The following CELF2 variants were observed in gnomAD, a reference collection of about 807,000 sequenced individuals.
CELF2 encodes CUG triplet repeat RNA-binding protein 2.
In CELF2, 8 loss-of-function variants were observed where a neutral mutation model predicts 62.6. The observed-to-expected ratio is 0.13, with a 90% CI of 0.07 to 0.23. CELF2 has a LOEUF of 0.23. Ranked by LOEUF, CELF2 falls within the 10% of genes least tolerant of loss-of-function variation. The probability of loss-of-function intolerance (pLI) is 1.00; values close to 1 mark genes in which losing one functional copy is unlikely to be tolerated. For synonymous variants in CELF2, 258 were observed against 250.0 expected, an observed-to-expected ratio of 1.03 and a Z score of -0.30; for missense variants, 333 against 671.0, an observed-to-expected ratio of 0.50 and a Z score of 5.56.
the CELF2 span, among the ~76,000 whole-genome samples, chr10:10,718,289 T>C: frequency 6.6e-6 from 1 of 152,152 alleles, no homozygotes; most frequent in Non-Finnish European, 1.5e-5. Context: ...TGTGTGTTCC[T>C]TTACCCTTTC....
intron 1 of CELF2, among the ~76,000 whole-genome samples, chr10:10,826,648 G>C (rs892978572): frequency 1.3e-5 from 2 of 152,286 alleles, no homozygotes; most frequent in South Asian, 2.1e-4. Flanking sequence ...GTGGACAGAA[G>C]GTTCTATCTC....
the CELF2 span, among the ~76,000 whole-genome samples, chr10:10,578,536 G>T: frequency 1.7e-4 from 26 of 152,130 alleles, 1 homozygote; most frequent in East Asian, 4.8e-3. Context: ...ATTAATTTTT[G>T]TATATCAGCT....
chr10:11,278,242 A>G (rs1031380249), intron 8 of CELF2, among the ~76,000 whole-genome samples: 2 of 152,236 alleles, frequency 1.3e-5, no homozygotes, highest in Non-Finnish European at 2.9e-5. Context: ...AATAACTTCA[A>G]GTGTGCTTTA....
chr10:10,658,229 G>T, the CELF2 span, among the ~76,000 whole-genome samples: 32 of 152,214 alleles, frequency 2.1e-4, no homozygotes, highest in East Asian at 4.6e-3. Context: ...GGATCATTGT[G>T]GTCCCTTCTT....
chr10:11,201,227 T>A (rs1412403639), intron 2 of CELF2, among the ~76,000 whole-genome samples: 2 of 152,220 alleles, frequency 1.3e-5, no homozygotes, highest in African/African-American at 4.8e-5. Flanking sequence ...GTATTTTCCT[T>A]GTGTGTGTTT....
At chr10:10,933,513 C>T (rs1025607968) in intron 2 of CELF2, among the ~76,000 whole-genome samples, 22 of 152,076 alleles carry the variant, frequency 1.4e-4, no homozygotes, top group African/African-American at 5.3e-4. Flanking sequence ...ACCACAGTCA[C>T]CCTATTATGC....
intron 2 of CELF2, among the ~76,000 whole-genome samples, chr10:10,969,428 A>G (rs2050511616): frequency 6.6e-6 from 1 of 152,222 alleles, no homozygotes; most frequent in Non-Finnish European, 1.5e-5. Context: ...TTATCATATG[A>G]AATGGAGACT....
At chr10:10,736,189 C>T in the CELF2 span, among the ~76,000 whole-genome samples, 1 of 152,052 alleles carries the variant, frequency 6.6e-6, no homozygotes, top group South Asian at 2.1e-4. Context: ...GAGCTTGGTC[C>T]GATATATTCT....
At chr10:10,686,903 C>A in the CELF2 span, among the ~76,000 whole-genome samples, 4 of 152,160 alleles carry the variant, frequency 2.6e-5, no homozygotes, top group Non-Finnish European at 5.9e-5. Context: ...GCCTTATCTT[C>A]TTATATGTGG....
intron 2 of CELF2, among the ~76,000 whole-genome samples, chr10:11,200,225 G>A (rs568184002): frequency 4.3e-4 from 66 of 152,292 alleles, no homozygotes; most frequent in African/African-American, 1.5e-3. Context: ...GTCTGCCTAC[G>A]AATTTGTTAG....
In CELF2 at chr10:10,911,506, C is replaced by G. The variant is rs1027229825; in HGVS notation, c.54-8458C>G. 5.3e-5 allele frequency among the ~76,000 whole-genome samples: 8 copies of G among 152,324 alleles called. No individual in the cohort carries two copies. The South Asian group carries it at 1.7e-3, about 32-fold the overall frequency. On this transcript the variant is annotated intron_variant, in intron 1 of 13. Coordinates refer to the CELF2 transcript ENST00000636488. ...ACTGCAGCGATGCCTCTGACGGCTC[C>G]GACTGCAGGCCTGCCTCCTATCAGA...
chr10:10,796,988 G>C (rs1057428427), upstream of CELF2: 13 of 602,874 alleles, frequency 2.2e-5, no homozygotes, highest in Non-Finnish European at 2.7e-5. Context: ...AAGTATCCAT[G>C]ACTGCTAAAG....
intron 2 of CELF2, among the ~76,000 whole-genome samples, chr10:10,992,037 C>T (rs2053496337): frequency 6.6e-6 from 1 of 152,166 alleles, no homozygotes; most frequent in Non-Finnish European, 1.5e-5. Flanking sequence ...TATGGAAATT[C>T]TTATCATGGT....
intron 1 of CELF2, among the ~76,000 whole-genome samples, chr10:11,138,851 T>G (rs906779497): frequency 4.6e-5 from 7 of 152,186 alleles, no homozygotes; most frequent in African/African-American, 1.4e-4. Context: ...CGGCCATAAA[T>G]TATCAAGTGT....
At chr10:11,196,543 G>C (rs945554510) in intron 2 of CELF2, among the ~76,000 whole-genome samples, 6 of 152,022 alleles carry the variant, frequency 3.9e-5, no homozygotes, top group Non-Finnish European at 5.9e-5. Flanking sequence ...TGTTCATGCC[G>C]GTGGTCCCAG....
At chr10:10,474,550 T>C in the CELF2 span, among the ~76,000 whole-genome samples, 1 of 152,050 alleles carries the variant, frequency 6.6e-6, no homozygotes, top group Non-Finnish European at 1.5e-5. Context: ...AGTTTTGCAA[T>C]AAAACTTATT....
chr10:11,137,344 T>C (rs1001393274), intron 1 of CELF2, among the ~76,000 whole-genome samples: 2 of 152,228 alleles, frequency 1.3e-5, no homozygotes, highest in Non-Finnish European at 2.9e-5. Flanking sequence ...GTGACTTAAA[T>C]AGTTGGAAAT....
chr10:11,014,158 A>G (rs961721888), upstream of CELF2, among the ~76,000 whole-genome samples: 3 of 152,206 alleles, frequency 2.0e-5, no homozygotes, highest in Non-Finnish European at 4.4e-5. Context: ...TGAATTTGCA[A>G]ATGTGATAGG....
the CELF2 span, among the ~76,000 whole-genome samples, chr10:10,470,431 C>T: frequency 6.6e-6 from 1 of 151,718 alleles, no homozygotes; most frequent in Non-Finnish European, 1.5e-5. Context: ...TGTCAGCAGG[C>T]CTGTAGTTCT....
Sources: gnomAD v4.1 joint callset for allele counts (sites outside exome capture counted in the v4.1 genomes callset) on GRCh38, gnomAD v4.1.1 for gene constraint, MANE v1.5 for transcripts, NCBI Gene and HGNC (gene_info 2026-07-23, HGNC 2026-07-21) for gene names.